TRIO: variants seen among roughly 807,000 people sequenced by gnomAD.
TRIO encodes the protein triple functional domain protein.
TRIO carries 58 observed loss-of-function variants against 351.9 expected under a neutral mutation model. The ratio of observed to expected loss-of-function variants is 0.16; its 90% confidence interval spans 0.13 to 0.21. The LOEUF (loss-of-function observed/expected upper bound fraction) is 0.21, where lower values mean the gene tolerates loss of function less well. Among genes scored for constraint, TRIO ranks in the 10% least tolerant of loss-of-function variants. TRIO has a pLI of 1.00. For synonymous variants in TRIO, 1,758 were observed against 1,595.7 expected, an observed-to-expected ratio of 1.10 and a Z score of -2.42; for missense variants, 3,201 against 4,027.8, an observed-to-expected ratio of 0.79 and a Z score of 5.56.
chr5:14,181,150 C>T lies in TRIO; in HGVS notation c.157+37268C>T, dbSNP rs1581289549. On this transcript the variant is annotated intron_variant, in intron 1 of 56. Coordinates refer to ENST00000344204, the MANE Select transcript of TRIO (RefSeq NM_007118.4). ...CTTAGGCTCTTACCTTTTTGTAGGA[C>T]ATACAGCTAACACTGCAGACTTAAA... Among the ~76,000 whole-genome samples, 3 of 144,548 alleles carry T rather than the reference C, an allele frequency of 2.1e-5. No individual in the cohort carries two copies. The Admixed American group carries it at 2.1e-4, about 10-fold the overall frequency. The allele number at this position is 144,548 out of a possible 152,430, so 94.8% of individuals were successfully genotyped here.
chr5:14,384,401 T>G lies in TRIO; in HGVS notation c.3571-3037T>G, dbSNP rs1029842315. On this transcript the variant is annotated intron_variant, in intron 21 of 56. Transcript: ENST00000344204. ...CTTAAGACTTCAATTTGCTTTTATT[T>G]TTCTCCAGTTCCTCGATTATGCCTA... is the stretch of plus-strand genomic sequence containing the variant. Among the ~76,000 whole-genome samples, 4 of 152,346 alleles carry G rather than the reference T, an allele frequency of 2.6e-5. No individual in the cohort carries two copies. In the East Asian group the frequency reaches 7.7e-4, roughly 29 times the overall value.
intron 33 of TRIO, among the ~76,000 whole-genome samples, chr5:14,407,199 A>G (rs1748804885): frequency 6.6e-6 from 1 of 152,252 alleles, no homozygotes; most frequent in East Asian, 1.9e-4. Context: ...TGTCCAGGAC[A>G]TTATCCAAAC....
chr5:14,192,527 G>T (rs1264703680), intron 1 of TRIO, among the ~76,000 whole-genome samples: 3 of 152,084 alleles, frequency 2.0e-5, no homozygotes, highest in African/African-American at 7.2e-5. Context: ...TCCCGCTTCG[G>T]CCTCTCACCA....
chr5:14,243,479 T>G (rs1794250359), intron 1 of TRIO, among the ~76,000 whole-genome samples: 1 of 152,196 alleles, frequency 6.6e-6, no homozygotes, highest in African/African-American at 2.4e-5. Flanking sequence ...TCTGTTATAA[T>G]GGTAACTTTT....
At chr5:14,460,615 C>T (rs1753707091) in intron 34 of TRIO, among the ~76,000 whole-genome samples, 2 of 152,230 alleles carry the variant, frequency 1.3e-5, no homozygotes, top group South Asian at 4.1e-4. Context: ...CCTTTAAATT[C>T]ATTCTTCTTT....
chr5:14,143,758 C>G lies in TRIO; in HGVS notation c.33C>G (p.Pro11=). The change falls in exon 1 of 57, where the codon CCC becomes CCG. Residue 11 remains proline (P), a synonymous_variant. Transcript: ENST00000344204. ...GCAGCAGCGGCGGAGCCGCCGCCCCCGCCGCGTCCTCCGGCCCCGCCGCGG... is the reference window on the plus strand; with the variant it reads ...GCAGCAGCGGCGGAGCCGCCGCCCCGGCCGCGTCCTCCGGCCCCGCCGCGG... MSGSSGGAAA[P]AASSGPAAAA... is the part of the protein sequence containing the mutation. 1.0e-6 allele frequency: 1 copy of G among 992,760 alleles called. No individual in the cohort carries two copies. Among genetic ancestry groups the G allele is most frequent in the Non-Finnish European group, 1.2e-6 (1 of 836,476 alleles). 61.5% of individuals were successfully genotyped at this position (992,760 alleles called of 1,614,324 possible). A position where few individuals can be genotyped will look rare whatever the true frequency, so the allele number is the denominator to read the frequency against.
intron 1 of TRIO, among the ~76,000 whole-genome samples, chr5:14,144,965 G>A (rs1244619556): frequency 6.6e-6 from 1 of 152,184 alleles, no homozygotes; most frequent in East Asian, 1.9e-4. Flanking sequence ...TAGCGGGCCG[G>A]GCACGGGGCA....
chr5:14,258,868 C>A (rs55754427), intron 1 of TRIO, among the ~76,000 whole-genome samples: 3,499 of 152,294 alleles, frequency 0.023, 140 homozygotes, highest in African/African-American at 0.08. Context: ...TTAGCTGTGC[C>A]GTGTCATTTC....
intron 28 of TRIO, among the ~76,000 whole-genome samples, chr5:14,395,982 C>T (rs1214541712): frequency 7.0e-6 from 1 of 143,166 alleles, no homozygotes; most frequent in East Asian, 2.0e-4. Flanking sequence ...GGAGGCAGAG[C>T]TTGCAGTGAG....
rs766759871 is a variant in TRIO at position 14,481,668 on chromosome 5, CTTTT to C, written c.6465+51_6465+54del. 35 of 1,586,746 alleles carry C rather than the reference CTTTT, an allele frequency of 2.2e-5. No individual in the cohort carries two copies. In the Admixed American group the frequency reaches 3.5e-4, roughly 16 times the overall value. ...AGAGCTCCTCTGCCTTCATCTCTTT[CTTTT>C]GTCTTGGATTATTTCTCTCCACATA... is the stretch of plus-strand genomic sequence containing the variant. On this transcript the variant is annotated intron_variant, in intron 45 of 56. Transcript: ENST00000344204.
intron 34 of TRIO, among the ~76,000 whole-genome samples, chr5:14,455,591 G>C (rs965034770): frequency 2.6e-5 from 4 of 152,058 alleles, no homozygotes; most frequent in African/African-American, 7.3e-5. Context: ...ACAGAGTGCT[G>C]ATTGGTGCAT....
chr5:14,222,736 T>G (rs1349332415), intron 1 of TRIO, among the ~76,000 whole-genome samples: 3 of 152,186 alleles, frequency 2.0e-5, no homozygotes, highest in Non-Finnish European at 4.4e-5. Flanking sequence ...TTGTAACAAT[T>G]CTCTGAGGGG....
At chr5:14,287,140 T>C in intron 4 of TRIO, 77 bp downstream of exon 4, 2 of 1,068,550 alleles carry the variant, frequency 1.9e-6, no homozygotes, top group South Asian at 2.0e-5. Context: ...TAATGAGAGA[T>C]TTTTTTTTTA....
intron 1 of TRIO, 58 bp downstream of exon 1, chr5:14,143,940 C>A: frequency 2.9e-5 from 30 of 1,026,804 alleles, no homozygotes; most frequent in Non-Finnish European, 3.4e-5. Context: ...TCGGCCGACC[C>A]GCCGCGGAGC....
chr5:14,304,495 G>A lies in TRIO; in HGVS notation c.1403G>A (p.Cys468Tyr). 1.2e-6 allele frequency: 2 copies of A among 1,613,884 alleles called. No individual in the cohort carries two copies. Among genetic ancestry groups the A allele is most frequent in the Non-Finnish European group, 1.7e-6 (2 of 1,179,976 alleles). The change falls in exon 8 of 57, where the codon TGC becomes TAC. Residue 468 changes from cysteine to tyrosine, a missense_variant. Coordinates refer to ENST00000344204, the MANE Select transcript of TRIO (RefSeq NM_007118.4). ...AACGTGGATTCATGGTGTAAAGCTT[G>A]CGGTGAGGTAGACCTTCCCTCAGAG... is the stretch of plus-strand genomic sequence containing the variant. ...MSNVDSWCKA[C>Y]GEVDLPSELQ... is the part of the protein sequence containing the mutation.
At chr5:14,181,826 C>T (rs371789161) in intron 1 of TRIO, among the ~76,000 whole-genome samples, 6 of 152,222 alleles carry the variant, frequency 3.9e-5, no homozygotes, top group Non-Finnish European at 5.9e-5. Context: ...ACGCCCCTCC[C>T]GGCCTGGGCT....
intron 53 of TRIO, among the ~76,000 whole-genome samples, chr5:14,499,540 T>C (rs1757128597): frequency 6.6e-6 from 1 of 152,234 alleles, no homozygotes; most frequent in Non-Finnish European, 1.5e-5. Flanking sequence ...GAATTTGTCT[T>C]AGAACTTTTG....
chr5:14,489,165 T>TA (rs903023608), intron 48 of TRIO: 791 of 552,692 alleles, frequency 1.4e-3, no homozygotes, highest in South Asian at 3.7e-3. Flanking sequence ...CTCTTTATAT[T>TA]AAAAAAAAAA....
rs779173803 is a variant in TRIO at position 14,488,049 on chromosome 5, C to T, written c.7421C>T (p.Pro2474Leu). Residue 2474 changes from proline (P) to leucine (L), a missense_variant, in exon 48 of 57, where the codon CCC (proline) becomes CTC (leucine). Physicochemically the swap from Pro to Leu is moderately conservative, Grantham distance 98. Transcript: ENST00000344204. Reference protein sequence around the residue: ...AVPSLGKEPFPPSSPLQKGGS... With the variant: ...AVPSLGKEPFLPSSPLQKGGS... ...CCTTCTCTCGGCAAGGAGCCCTTCC[C>T]CCCCAGCAGCCCCCTGCAGAAGGGG... The T allele has an allele frequency of 1.4e-5, 23 of 1,608,828 alleles. No individual in the cohort carries two copies. In the African/African-American group the frequency reaches 2.8e-4, roughly 20 times the overall value.
Sources: gnomAD v4.1 joint callset for allele counts (sites outside exome capture counted in the v4.1 genomes callset) on GRCh38, gnomAD v4.1.1 for gene constraint, MANE v1.5 for transcripts, NCBI Gene and HGNC (gene_info 2026-07-23, HGNC 2026-07-21) for gene names.